Variants in ORM2 observed in about 807,000 individuals in gnomAD.
ORM2 encodes alpha-1-acid glycoprotein 2.
In ORM2, 19 loss-of-function variants were observed where a neutral mutation model predicts 26.8. The ratio of observed to expected loss-of-function variants is 0.71; its 90% CI spans 0.49 to 1.04. The LOEUF is 1.04. Among genes scored for constraint, ORM2 ranks in the 50% least tolerant of loss-of-function variants. ORM2 has a pLI of 0.00. For missense variants in ORM2, 259 were observed against 244.9 expected (o/e 1.06, Z -0.39); for synonymous variants, 94 against 100.0 (o/e 0.94, Z 0.36).
At position 114,330,104 on chromosome 9, in the gene ORM2, C is replaced by G. The variant is rs2787338; in HGVS notation, c.114+86C>G. 8.8e-5 allele frequency: 142 copies of G among 1,610,612 alleles called. 1 individual carries two copies. The highest frequency in any genetic ancestry group is 2.2e-4 in the South Asian group (20 of 90,822). On this transcript the variant is annotated intron_variant, in intron 1 of 5. Coordinates refer to ENST00000431067, the MANE Select transcript of ORM2 (RefSeq NM_000608.4). ...TCCCTTTACCTGCTGGCTGTGGTCG[C>G]ACCCCCACTCCCAGCTCTGCCTTTT...
At chr9:114,330,126 T>A (rs567084092) in intron 1 of ORM2, 108 bp downstream of exon 1, 73 of 1,580,196 alleles carry the variant, frequency 4.6e-5, no homozygotes, top group Non-Finnish European at 5.2e-5. Context: ...CAGCTCTGCC[T>A]TTTTCTCTTC....
rs1829825568 is a variant in ORM2, at chr9:114,330,032, C to G, written c.114+14C>G. ...ACCCTGGACCGGGTGAGTGCCTGGG[C>G]TAGCCCTGTCCTGAGCACATGGGCA... On this transcript the variant is annotated intron_variant, in intron 1 of 5. Coordinates refer to ENST00000431067, the MANE Select transcript of ORM2 (RefSeq NM_000608.4). 1 of 1,601,916 alleles carries G rather than the reference C, an allele frequency of 6.2e-7. No individual in the cohort carries two copies. Among genetic ancestry groups the G allele is most frequent in the African/African-American group, 1.4e-5 (1 of 69,716 alleles).
At chr9:114,330,770 TC>T in intron 2 of ORM2, 21 bp from the exon 3 acceptor site, 1 of 1,612,836 alleles carries the variant, frequency 6.2e-7, no homozygotes, top group Non-Finnish European at 8.5e-7. Context: ...CTGTTTTTCT[TC>T]CGCCTTCTGG....
In ORM2 at chr9:114,331,877, T is replaced by C. The variant is rs199880306; in HGVS notation, c.488T>C (p.Leu163Pro). The change falls in exon 5 of 6, where the codon CTC becomes CCC. Residue 163 changes from leucine to proline, a missense_variant. Transcript: ENST00000431067. ...CAACTGGGAGAGTTCTACGAAGCTC[T>C]CGACTGCTTGTGCATTCCCAGGTCA... ...KEQLGEFYEA[L>P]DCLCIPRSDV... 1 of 1,613,880 alleles carries C rather than the reference T, an allele frequency of 6.2e-7. No homozygotes were observed. The highest frequency in any genetic ancestry group is 1.3e-5 in the African/African-American group (1 of 74,942).
In ORM2 at chr9:114,330,531, C is replaced by T. The variant is rs778550423; in HGVS notation, c.212C>T (p.Pro71Leu). Reference sequence around the variant, plus strand: ...CAAGCAACCTTCTTTTACTTTACCCCCAACAAGACAGAGGACACGATCTTT... The same window carrying T: ...CAAGCAACCTTCTTTTACTTTACCCTCAACAAGACAGAGGACACGATCTTT... Reference protein sequence around the residue: ...EIQATFFYFTPNKTEDTIFLR... With the variant: ...EIQATFFYFTLNKTEDTIFLR... The change falls in exon 2 of 6, where the codon CCC (proline) becomes CTC (leucine). Residue 71 changes from proline (P) to leucine (L), a missense_variant. By Grantham distance (98) the Pro-to-Leu change is moderately conservative. Transcript: ENST00000431067. The T allele has an allele frequency of 2.2e-5, 35 of 1,612,478 alleles. 1 individual carries two copies. In the South Asian group the frequency reaches 3.7e-4, roughly 17 times the overall value.
Position 114,331,915 on chromosome 9 carries a change from A to G in ORM2, c.526A>G (p.Thr176Ala). ...CATTCCCAGGTCAGATGTCATGTACACCGACTGGAAAAAGGTAAACGCAAG... is the reference window on the plus strand; with the variant it reads ...CATTCCCAGGTCAGATGTCATGTACGCCGACTGGAAAAAGGTAAACGCAAG... The part of the protein sequence containing the change: ...LCIPRSDVMY[T>A]DWKKDKCEPL... Residue 176 changes from threonine (T) to alanine (A), a missense_variant, in exon 5 of 6, where the codon ACC (threonine) becomes GCC (alanine). Transcript: ENST00000431067. 1 of 1,613,774 alleles carries G rather than the reference A, an allele frequency of 6.2e-7. No homozygotes were observed. The highest frequency in any genetic ancestry group is 8.5e-7 in the Non-Finnish European group (1 of 1,179,826).
In ORM2 at chr9:114,330,829, G is replaced by C; in HGVS notation, c.295G>C (p.Val99Leu). The C allele has an allele frequency of 6.2e-7, 1 of 1,613,992 alleles. No individual in the cohort carries two copies. Among genetic ancestry groups the C allele is most frequent in the African/African-American group, 1.3e-5 (1 of 74,900 alleles). ...CTTCTATAACTCCAGTTACCTGAAT[G>C]TCCAGCGGGAGAATGGGACCGTCTC... is the stretch of plus-strand genomic sequence containing the variant. ...QCFYNSSYLN[V>L]QRENGTVSRY... Residue 99 changes from valine (V) to leucine (L), a missense_variant, in exon 3 of 6, where the codon GTC becomes CTC. Physicochemically the swap from Val to Leu is conservative, Grantham distance 32. Around this residue, in one of 2 missense-constraint regions of ORM2, gnomAD observed 251 missense variants for 220.5 expected, o/e 1.14. Coordinates refer to ENST00000431067, the MANE Select transcript of ORM2 (RefSeq NM_000608.4).
chr9:114,331,001 T>A (rs1263370159), intron 3 of ORM2, 139 bp downstream of exon 3: 21 of 657,458 alleles, frequency 3.2e-5, no homozygotes, highest in Non-Finnish European at 2.7e-6. Flanking sequence ...TACCACGTGC[T>A]CAGAAAAAAT....
In ORM2 at chr9:114,331,841, C is replaced by T. The variant is rs368086091; in HGVS notation, c.452C>T (p.Thr151Met). The T allele has an allele frequency of 1.3e-4, 217 of 1,613,746 alleles. 1 individual carries two copies. The highest frequency in any genetic ancestry group is 6.6e-4 in the Middle Eastern group (4 of 6,058). The change falls in exon 5 of 6, where the codon ACG becomes ATG. Residue 151 changes from threonine to methionine, a missense_variant. Physicochemically the swap from Thr to Met is moderately conservative, Grantham distance 81. Transcript: ENST00000431067. Reference protein sequence around the residue: ...GLSFYADKPETTKEQLGEFYE... With the variant: ...GLSFYADKPEMTKEQLGEFYE... ...CCCCCTGCAGCTGACAAGCCAGAGA[C>T]GACCAAGGAGCAACTGGGAGAGTTC...
chr9:114,330,619 C>T (rs202228078), intron 2 of ORM2, 43 bp downstream of exon 2: 1 of 1,605,906 alleles, frequency 6.2e-7, no homozygotes, highest in South Asian at 1.1e-5. Flanking sequence ...CAGCTTCTGG[C>T]CAGAAGACCT....
At chr9:114,332,765 G>A (rs1976193) in intron 5 of ORM2, among the ~76,000 whole-genome samples, 25,246 of 152,102 alleles carry the variant, frequency 0.17, 2,292 homozygotes, top group South Asian at 0.27. Flanking sequence ...CATCTGCATA[G>A]TAGTGGTGGT....
At position 114,331,221 on chromosome 9, in the gene ORM2, C is replaced by T. The variant is rs1829845628; in HGVS notation, c.329-346C>T. Among the ~76,000 whole-genome samples, 2 of 152,172 alleles carry T rather than the reference C, an allele frequency of 1.3e-5. 1 individual carries two copies. The highest frequency in any genetic ancestry group is 4.8e-5 in the African/African-American group (2 of 41,452). On this transcript the variant is annotated intron_variant, in intron 3 of 5. Coordinates refer to ENST00000431067, the MANE Select transcript of ORM2 (RefSeq NM_000608.4). ...GGAGAGGTGGTACCTTCAACTATGT[C>T]CCCCATCACCGCAGAGGTGGCACAT...
At chr9:114,330,685 G>T in intron 2 of ORM2, 107 bp from the exon 3 acceptor site, 14 of 1,601,906 alleles carry the variant, frequency 8.7e-6, no homozygotes, top group East Asian at 2.2e-5. Flanking sequence ...AACCGGGAGG[G>T]TTGGCTTTAA....
rs754917453 is a variant in ORM2 at position 114,331,586 on chromosome 9, T to C, written c.348T>C (p.Val116=). ...VSRYEGGREH[V]AHLLFLRDTK... Reference sequence around the variant, plus strand: ...TTCCAGAGGGAGGCCGAGAACATGTTGCTCACCTGCTGTTCCTTAGGGACA... The same window carrying C: ...TTCCAGAGGGAGGCCGAGAACATGTCGCTCACCTGCTGTTCCTTAGGGACA... The change falls in exon 4 of 6, where the codon GTT becomes GTC. Residue 116 remains valine, a synonymous_variant. Coordinates refer to ENST00000431067, the MANE Select transcript of ORM2 (RefSeq NM_000608.4). 37 of 1,613,888 alleles carry C rather than the reference T, an allele frequency of 2.3e-5. No individual in the cohort carries two copies. The highest frequency in any genetic ancestry group is 4.5e-5 in the East Asian group (2 of 44,866).
In ORM2 at chr9:114,331,606, G is replaced by A. The variant is rs768389009; in HGVS notation, c.368G>A (p.Arg123Lys). Reference sequence around the variant, plus strand: ...CATGTTGCTCACCTGCTGTTCCTTAGGGACACCAAGACCTTGATGTTTGGT... The same window carrying A: ...CATGTTGCTCACCTGCTGTTCCTTAAGGACACCAAGACCTTGATGTTTGGT... ...REHVAHLLFL[R>K]DTKTLMFGSY... The change falls in exon 4 of 6, where the codon AGG becomes AAG. Residue 123 changes from arginine (R) to lysine (K), a missense_variant. Physicochemically the swap from Arg to Lys is conservative, Grantham distance 26. Transcript: ENST00000431067. The A allele has an allele frequency of 5.0e-6, 8 of 1,613,890 alleles. No individual in the cohort carries two copies. The highest frequency in any genetic ancestry group is 6.8e-6 in the Non-Finnish European group (8 of 1,180,004).
chr9:114,330,761 T>C (rs375038850), intron 2 of ORM2, 31 bp from the exon 3 acceptor site: 54 of 1,610,428 alleles, frequency 3.4e-5, no homozygotes, highest in Non-Finnish European at 4.3e-5. Flanking sequence ...ATAACATTAC[T>C]GTTTTTCTTC....
intron 3 of ORM2, 114 bp from the exon 4 acceptor site, chr9:114,331,453 G>A (rs1422213254): frequency 2.1e-5 from 17 of 806,350 alleles, no homozygotes; most frequent in South Asian, 3.4e-5. Flanking sequence ...AAGGAGACCC[G>A]GGCCTTCACT....
intron 5 of ORM2, among the ~76,000 whole-genome samples, chr9:114,332,491 G>A (rs922980551): frequency 1.2e-4 from 18 of 152,092 alleles, no homozygotes; most frequent in African/African-American, 2.7e-4. Context: ...TCACAGCACC[G>A]ATGAGCTGGT....
At chr9:114,332,624 C>T (rs1829876000) in intron 5 of ORM2, among the ~76,000 whole-genome samples, 1 of 152,074 alleles carries the variant, frequency 6.6e-6, no homozygotes, top group African/African-American at 2.4e-5. Context: ...ATCCCCAGCC[C>T]CAGGATCCTG....
Sources: gnomAD v4.1 joint callset for allele counts (sites outside exome capture counted in the v4.1 genomes callset) on GRCh38, gnomAD v4.1.1 for gene constraint, gnomAD v4.1.1 regional missense constraint, MANE v1.5 for transcripts, NCBI Gene and HGNC (gene_info 2026-07-23, HGNC 2026-07-21) for gene names.